Variants in JAKMIP1 observed in about 807,000 individuals in gnomAD.
The protein encoded by JAKMIP1 is janus kinase and microtubule-interacting protein 1.
Under a neutral mutation model 113.0 loss-of-function variants are expected in JAKMIP1, and 33 were observed. The ratio of observed to expected loss-of-function variants is 0.29; its 90% CI spans 0.22 to 0.39. The LOEUF is 0.39. Among genes scored for constraint, JAKMIP1 ranks in the 10% least tolerant of loss-of-function variants. The probability of loss-of-function intolerance (pLI) is 1.00; values close to 1 mark genes in which losing one functional copy is unlikely to be tolerated. For missense variants in JAKMIP1, 813 were observed against 1,080.5 expected (o/e 0.75, Z 3.47); for synonymous variants, 480 against 459.9 (o/e 1.04, Z -0.56).
rs1727427152 is a variant in JAKMIP1, at chr4:6,192,903, T to C, written c.-148+7350A>G. Among the ~76,000 whole-genome samples, 1 of 152,182 alleles carries C rather than the reference T, an allele frequency of 6.6e-6. No homozygotes were observed. The highest frequency in any genetic ancestry group is 6.5e-5 in the Admixed American group (1 of 15,278). On this transcript the variant is annotated intron_variant, in intron 1 of 20. Coordinates refer to ENST00000409021, the MANE Select transcript of JAKMIP1 (RefSeq NM_001099433.2). This position sits in a 1 kb window ranked among gnomAD's most constrained non-coding sequence, Gnocchi z 5.0. ...TAGGCTGAGACATTGTGATGGTTAA[T>C]ATTGAGTGTCAACTTGATTGGTGAA... is the stretch of plus-strand genomic sequence containing the variant.
Position 6,192,843 on chromosome 4 carries a change from G to C in JAKMIP1, c.-148+7410C>G, listed in dbSNP as rs982578022. Among the ~76,000 whole-genome samples, 1 of 152,176 alleles carries C rather than the reference G, an allele frequency of 6.6e-6. No homozygotes were observed. The highest frequency in any genetic ancestry group is 2.4e-5 in the African/African-American group (1 of 41,454). On this transcript the variant is annotated intron_variant, in intron 1 of 20. Coordinates refer to ENST00000409021, the MANE Select transcript of JAKMIP1 (RefSeq NM_001099433.2). This position sits in a 1 kb window ranked among gnomAD's most constrained non-coding sequence, Gnocchi z 5.0. Reference sequence around the variant, plus strand: ...GGAACCAGGGGCACAGCCGCTATCTGGGACAGTCAAAGACCTCCCCAAGGA... The same window carrying C: ...GGAACCAGGGGCACAGCCGCTATCTCGGACAGTCAAAGACCTCCCCAAGGA...
intron 19 of JAKMIP1, 41 bp downstream of exon 19, chr4:6,035,863 G>C (rs1713358083): frequency 6.7e-7 from 1 of 1,500,340 alleles, no homozygotes; most frequent in Admixed American, 2.0e-5. Flanking sequence ...GGACAACAAG[G>C]GTGCCGGGGT....
intron 2 of JAKMIP1, among the ~76,000 whole-genome samples, chr4:6,109,705 G>A (rs1024452879): frequency 3.3e-5 from 5 of 151,964 alleles, no homozygotes; most frequent in Admixed American, 1.3e-4. Flanking sequence ...AGACAGACAC[G>A]TTTACCACCC....
At position 6,168,248 on chromosome 4, in the gene JAKMIP1, A is replaced by G. The variant is rs530375110; in HGVS notation, c.-148+32005T>C. Reference sequence around the variant, plus strand: ...AGTCTGGTGGTTCCTTAAAATGTGAAACGCAGAATCACCCTGTGACCTCGC... The same window carrying G: ...AGTCTGGTGGTTCCTTAAAATGTGAGACGCAGAATCACCCTGTGACCTCGC... On this transcript the variant is annotated intron_variant, in intron 1 of 20. Transcript: ENST00000409021. This position sits in a 1 kb window ranked among gnomAD's most constrained non-coding sequence, Gnocchi z 4.6. 1.4e-4 allele frequency among the ~76,000 whole-genome samples: 21 copies of G among 152,326 alleles called. No homozygotes were observed. The South Asian group carries it at 4.4e-3, about 32-fold the overall frequency.
rs1168217140 is a variant in JAKMIP1, at chr4:6,154,107, A to G, written c.-147-41110T>C. ...ACTGCATCCTGCTGCCTATGGTGAGAAGGCACAGGCTTGTGTCCTGCAGAG... is the reference window on the plus strand; with the variant it reads ...ACTGCATCCTGCTGCCTATGGTGAGGAGGCACAGGCTTGTGTCCTGCAGAG... On this transcript the variant is annotated intron_variant, in intron 1 of 20. Transcript: ENST00000409021. This position sits in a 1 kb window ranked among gnomAD's most constrained non-coding sequence, Gnocchi z 4.2. Among the ~76,000 whole-genome samples the G allele has an allele frequency of 6.6e-6, 1 of 152,172 alleles. No individual in the cohort carries two copies. The highest frequency in any genetic ancestry group is 2.4e-5 in the African/African-American group (1 of 41,436).
intron 16 of JAKMIP1, among the ~76,000 whole-genome samples, chr4:6,043,824 C>T (rs1714657218): frequency 6.6e-6 from 1 of 152,024 alleles, no homozygotes; most frequent in South Asian, 2.1e-4. Flanking sequence ...TGCTCAGAGA[C>T]CTCCAAAGAC....
At chr4:6,145,237 A>G (rs4359980) in intron 1 of JAKMIP1, among the ~76,000 whole-genome samples, 128,895 of 152,148 alleles carry the variant, frequency 0.85, 57,173 homozygotes, top group East Asian at 1. Flanking sequence ...AAGGCACTGA[A>G]CCAGGCCCTT....
rs1039170338 is a variant in JAKMIP1 at position 6,108,047 on chromosome 4, C to T, written c.130-2080G>A. On this transcript the variant is annotated intron_variant, in intron 2 of 20. Transcript: ENST00000409021. This position sits in a 1 kb window ranked among gnomAD's most constrained non-coding sequence, Gnocchi z 5.6. ...GGGCAGAGGCCTGTGCAGGGCAGCC[C>T]GGGGCGTCTAGGGGCTGCTTCCTGG... 3.9e-5 allele frequency among the ~76,000 whole-genome samples: 6 copies of T among 152,062 alleles called. No individual in the cohort carries two copies. The highest frequency in any genetic ancestry group is 2.1e-4 in the South Asian group (1 of 4,812).
At chr4:6,159,553 TC>T (rs1230969749) in intron 1 of JAKMIP1, among the ~76,000 whole-genome samples, 2 of 152,234 alleles carry the variant, frequency 1.3e-5, no homozygotes. Context: ...GAAACAATTC[TC>T]AAAAGAAGAA....
intron 18 of JAKMIP1, among the ~76,000 whole-genome samples, chr4:6,037,014 A>G (rs1486845448): frequency 0.033 from 4,353 of 132,050 alleles, no homozygotes; most frequent in African/African-American, 0.097. Flanking sequence ...AGGTTAACCC[A>G]GTAGCCCTCC....
intron 10 of JAKMIP1, among the ~76,000 whole-genome samples, chr4:6,062,087 C>T (rs919573362): frequency 1.3e-5 from 2 of 152,232 alleles, no homozygotes; most frequent in South Asian, 4.1e-4. Context: ...TGATATGTAG[C>T]GTTGCTTCCT....
intron 1 of JAKMIP1, among the ~76,000 whole-genome samples, chr4:6,131,049 C>T (rs930905414): frequency 6.6e-6 from 1 of 151,328 alleles, no homozygotes; most frequent in Non-Finnish European, 1.5e-5. Context: ...GGATATACAC[C>T]TCCCACCTCA....
At chr4:6,191,286 A>G (rs78303627) in intron 1 of JAKMIP1, among the ~76,000 whole-genome samples, 3,011 of 152,146 alleles carry the variant, frequency 0.02, 90 homozygotes, top group African/African-American at 0.068. Context: ...GAGGGCTCAC[A>G]GCCAGAGACA....
Position 6,159,910 on chromosome 4 carries a change from C to T in JAKMIP1, c.-148+40343G>A, listed in dbSNP as rs1350770781. 2.0e-5 allele frequency among the ~76,000 whole-genome samples: 3 copies of T among 152,144 alleles called. No homozygotes were observed. The South Asian group carries it at 6.2e-4, about 32-fold the overall frequency. On this transcript the variant is annotated intron_variant, in intron 1 of 20. Transcript: ENST00000409021. ...GGGGGCCTCAGAGATGTTCATCATA[C>T]CTGCTGTAGGGAAAGTGGGTCACAA... is the stretch of plus-strand genomic sequence containing the variant.
intron 1 of JAKMIP1, among the ~76,000 whole-genome samples, chr4:6,147,407 T>C (rs1007403482): frequency 6.6e-6 from 1 of 151,932 alleles, no homozygotes; most frequent in Non-Finnish European, 1.5e-5. Context: ...CACGGAAACA[T>C]GGGAGAATGT....
At chr4:6,175,353 T>C (rs759635542) in intron 1 of JAKMIP1, among the ~76,000 whole-genome samples, 1 of 152,236 alleles carries the variant, frequency 6.6e-6, no homozygotes, top group Admixed American at 6.5e-5. Context: ...CAACGGTCTC[T>C]ACATTCACGC....
chr4:6,174,545 C>G (rs1352043938), intron 1 of JAKMIP1, among the ~76,000 whole-genome samples: 1 of 152,158 alleles, frequency 6.6e-6, no homozygotes, highest in Non-Finnish European at 1.5e-5. Flanking sequence ...CCAGAGCGAA[C>G]CAGGGTGCAG....
chr4:6,036,998 A>G, intron 18 of JAKMIP1, among the ~76,000 whole-genome samples: 1 of 118,252 alleles, frequency 8.5e-6, no homozygotes, highest in Admixed American at 7.5e-5. Flanking sequence ...TCCATCACTG[A>G]GGCAGAGGTT....
intron 1 of JAKMIP1, among the ~76,000 whole-genome samples, chr4:6,170,567 CCAT>C (rs1026981658): frequency 6.6e-6 from 1 of 150,480 alleles, no homozygotes; most frequent in African/African-American, 2.5e-5. Context: ...ACCACCACCA[CCAT>C]TGCCACCATT....
Sources: allele counts gnomAD v4.1 joint callset (sites outside exome capture counted in the v4.1 genomes callset), GRCh38; gene constraint gnomAD v4.1.1; non-coding constraint Gnocchi (gnomAD v3.1); transcripts MANE v1.5; gene names NCBI Gene and HGNC (gene_info 2026-07-23, HGNC 2026-07-21).